Variants in MCF2 observed in about 807,000 individuals in gnomAD.
MCF2 encodes proto-oncogene DBL.
Under a neutral mutation model 82.5 loss-of-function variants are expected in MCF2, and 44 were observed. That is an observed-to-expected ratio of 0.53 (90% CI 0.42 to 0.69). MCF2 has a LOEUF of 0.69. Among genes scored for constraint, MCF2 ranks in the 30% least tolerant of loss-of-function variants. The probability of loss-of-function intolerance (pLI) is 0.00; values close to 1 mark genes in which losing one functional copy is unlikely to be tolerated. For missense variants in MCF2, 623 were observed against 663.1 expected (o/e 0.94, Z 0.66); for synonymous variants, 217 against 224.9 (o/e 0.96, Z 0.32).
intron 1 of MCF2, among the ~76,000 whole-genome samples, chrX:139,679,515 C>T (rs2148562502): frequency 9.1e-6 from 1 of 110,492 alleles, no homozygotes; most frequent in South Asian, 3.9e-4. Context: ...TATATCAGGC[C>T]CTGTGCAGCA....
At chrX:139,621,812 G>A (rs1425689663) in intron 6 of MCF2, among the ~76,000 whole-genome samples, 3 of 111,393 alleles carry the variant, frequency 2.7e-5, no homozygotes, top group African/African-American at 6.5e-5. Context: ...TCAGGACATA[G>A]GCATGGGCAA....
chrX:139,652,082 G>A (rs1263119136), intron 1 of MCF2, among the ~76,000 whole-genome samples: 2 of 111,758 alleles, frequency 1.8e-5, no homozygotes, highest in East Asian at 5.6e-4. Context: ...CAGGACATTC[G>A]GATTTATTTG....
intron 24 of MCF2, among the ~76,000 whole-genome samples, chrX:139,584,128 CTTTTT>C (rs1163854425): frequency 0.02 from 1,416 of 72,491 alleles, 19 homozygotes; most frequent in East Asian, 0.062. Flanking sequence ...TGCCATTATC[CTTTTT>C]TTTTTTTTTT....
At chrX:139,687,427 C>T (rs1013780795) in intron 1 of MCF2, among the ~76,000 whole-genome samples, 1 of 113,261 alleles carries the variant, frequency 8.8e-6, no homozygotes, top group African/African-American at 3.2e-5. Context: ...GAGGCACTGG[C>T]CTTGTCAGCC....
chrX:139,681,764 T>A (rs1193680976), intron 1 of MCF2, among the ~76,000 whole-genome samples: 1 of 111,887 alleles, frequency 8.9e-6, no homozygotes, highest in Non-Finnish European at 1.9e-5. Context: ...ATCTCAATAG[T>A]GTCTAGCACA....
chrX:139,652,173 T>C (rs1159231315), intron 1 of MCF2, among the ~76,000 whole-genome samples: 2 of 112,080 alleles, frequency 1.8e-5, no homozygotes, highest in Non-Finnish European at 3.8e-5. Context: ...AAAGCTTTAT[T>C]AGCAATTACA....
upstream of MCF2, among the ~76,000 whole-genome samples, chrX:139,646,399 A>T (rs1933802447): frequency 8.9e-6 from 1 of 112,153 alleles, no homozygotes; most frequent in African/African-American, 3.2e-5. Flanking sequence ...TCCCAGTACC[A>T]CTATTGAATC....
intron 1 of MCF2, among the ~76,000 whole-genome samples, chrX:139,677,165 A>G (rs911270035): frequency 2.7e-5 from 3 of 111,393 alleles, no homozygotes; most frequent in African/African-American, 9.8e-5. Flanking sequence ...GGATGCATAC[A>G]ATTTCAGTAA....
At chrX:139,627,079 C>A (rs1379037182) in intron 4 of MCF2, among the ~76,000 whole-genome samples, 3 of 111,791 alleles carry the variant, frequency 2.7e-5, no homozygotes, top group Non-Finnish European at 3.8e-5. Context: ...CCAGTCCATC[C>A]TATTCTGCTA....
chrX:139,619,934 G>T (rs777831229), intron 6 of MCF2, among the ~76,000 whole-genome samples: 15 of 107,448 alleles, frequency 1.4e-4, no homozygotes, highest in Admixed American at 5.0e-4. Flanking sequence ...GTGTAGGTTC[G>T]TATATGAGGA....
exon 23 of MCF2, chrX:139,586,474 C>T (rs1369324713): frequency 1.7e-6 from 2 of 1,189,027 alleles, no homozygotes; most frequent in African/African-American, 1.8e-5. Flanking sequence ...CTTATAAAAG[C>T]TCCCTGTTGC....
At chrX:139,590,086 G>A (rs1020864653) in intron 19 of MCF2, among the ~76,000 whole-genome samples, 159 bp from the exon 24 acceptor site, 3 of 111,646 alleles carry the variant, frequency 2.7e-5, no homozygotes, top group Admixed American at 9.6e-5. Flanking sequence ...AATCATAGAC[G>A]AGAGTATTTA....
intron 1 of MCF2, chrX:139,702,217 T>G (rs1221085515): frequency 8.9e-6 from 1 of 112,426 alleles, no homozygotes; most frequent in Non-Finnish European, 1.9e-5. Flanking sequence ...ATTTGTATAT[T>G]TACTAGTTTT....
chrX:139,650,783 A>G (rs1179101249), intron 2 of MCF2, among the ~76,000 whole-genome samples: 1 of 112,142 alleles, frequency 8.9e-6, no homozygotes, highest in Non-Finnish European at 1.9e-5. Context: ...GAAGCAACCA[A>G]AGTATCTATC....
In MCF2 at chrX:139,619,097, G is replaced by A. The variant is rs9782741; in HGVS notation, c.807+490C>T. On this transcript the variant is annotated intron_variant, in intron 7 of 24. Coordinates refer to ENST00000370576, the Ensembl canonical transcript of MCF2. ...TGGGCATTTAAGGAATTATGTTCTT[G>A]TATGTTCCCATCATTTCCAAGCACC... Among the ~76,000 whole-genome samples, 349 of 111,077 alleles carry A rather than the reference G, an allele frequency of 3.1e-3. 1 individual carries two copies. Among genetic ancestry groups the A allele is most frequent in the African/African-American group, 0.011 (326 of 30,657 alleles).
chrX:139,662,743 T>C (rs1461524228), intron 1 of MCF2, among the ~76,000 whole-genome samples: 1 of 110,508 alleles, frequency 9.0e-6, no homozygotes, highest in Non-Finnish European at 1.9e-5. Flanking sequence ...AAACACTGAA[T>C]TTATTCCTTC....
In MCF2 at chrX:139,668,624, T is replaced by C. The variant is rs754139294; in HGVS notation, c.-44-16836A>G. Among the ~76,000 whole-genome samples the C allele has an allele frequency of 4.5e-5, 5 of 111,562 alleles. No individual in the cohort carries two copies. In the South Asian group the frequency reaches 1.9e-3, roughly 42 times the overall value. On this transcript the variant is annotated intron_variant, in intron 1 of 27. Transcript: ENST00000414978. ...CTTCCTTCTCTTTCCTTGATTTTGG[T>C]GTTTCCTGTCACTCTTCTGTTGAAG...
chrX:139,696,256 C>T (rs1395002521), intron 1 of MCF2, among the ~76,000 whole-genome samples: 1 of 105,557 alleles, frequency 9.5e-6, no homozygotes, highest in Non-Finnish European at 2.0e-5. Context: ...GAGGGAATAC[C>T]CTCCCTCCCT....
At chrX:139,632,406 T>A in exon 2 of MCF2, 3 of 1,204,598 alleles carry the variant, frequency 2.5e-6, no homozygotes, top group Non-Finnish European at 3.4e-6. Context: ...TGAAGAAAGC[T>A]GGTAGGACGT....
Sources: allele counts gnomAD v4.1 joint callset (sites outside exome capture counted in the v4.1 genomes callset), GRCh38; gene constraint gnomAD v4.1.1; transcripts MANE v1.5; gene names NCBI Gene and HGNC (gene_info 2026-07-23, HGNC 2026-07-21).